RAD9B: variants seen among roughly 807,000 people sequenced by gnomAD.
RAD9B encodes the protein cell cycle checkpoint control protein RAD9B.
Under a neutral mutation model 48.3 loss-of-function variants are expected in RAD9B, and 41 were observed. That is an observed-to-expected ratio of 0.85 (90% confidence interval 0.66 to 1.10). The LOEUF is 1.10. RAD9B is among the 50% of genes least tolerant of loss of function. RAD9B has a pLI of 0.00. For missense variants in RAD9B, 444 were observed against 485.1 expected (o/e 0.92, Z 0.80); for synonymous variants, 160 against 157.9 (o/e 1.01, Z -0.10).
At chr12:110,521,555 C>CTTT (rs577675171) in intron 9 of RAD9B, among the ~76,000 whole-genome samples, 10 of 126,606 alleles carry the variant, frequency 7.9e-5, no homozygotes, top group Non-Finnish European at 1.3e-4. Flanking sequence ...AAACATAATT[C>CTTT]TTTTTTTTTT....
At chr12:110,520,628 C>CTTTTTTTTT (rs71083129) in intron 9 of RAD9B, among the ~76,000 whole-genome samples, 192 of 99,830 alleles carry the variant, frequency 1.9e-3, no homozygotes, top group African/African-American at 2.1e-3. Context: ...TTCTTGCTTT[C>CTTTTTTTTT]TTTTTTTTTT....
At chr12:110,530,198 ACACCCAG>A (rs2064089816) in intron 10 of RAD9B, among the ~76,000 whole-genome samples, 1 of 151,930 alleles carries the variant, frequency 6.6e-6, no homozygotes, top group South Asian at 2.1e-4. Context: ...GTCCGCCACC[ACACCCAG>A]CTAATTTTTT....
At chr12:110,502,632 A>C (rs1460074135) in intron 1 of RAD9B, 2 of 521,120 alleles carry the variant, frequency 3.8e-6, no homozygotes, top group African/African-American at 3.9e-5. Context: ...CCATCGGGCC[A>C]CAAACTCGGG....
At chr12:110,504,668 C>T (rs2063207915) in intron 2 of RAD9B, among the ~76,000 whole-genome samples, 1 of 151,932 alleles carries the variant, frequency 6.6e-6, no homozygotes, top group Admixed American at 6.6e-5. Context: ...TTGCAACTCC[C>T]TTATATATTG....
chr12:110,526,691 C>T (rs1466497131), intron 10 of RAD9B, among the ~76,000 whole-genome samples: 2 of 151,810 alleles, frequency 1.3e-5, no homozygotes, highest in African/African-American at 2.4e-5. Context: ...AGGCAGATCA[C>T]GAGGTCAGGA....
At chr12:110,517,852 T>G (rs999477783) in intron 6 of RAD9B, among the ~76,000 whole-genome samples, 2 of 151,762 alleles carry the variant, frequency 1.3e-5, no homozygotes, top group African/African-American at 4.8e-5. Flanking sequence ...GATATATTAT[T>G]GGGTAGATTA....
intron 10 of RAD9B, among the ~76,000 whole-genome samples, chr12:110,522,895 C>T (rs1436488390): frequency 6.6e-6 from 1 of 152,154 alleles, no homozygotes; most frequent in African/African-American, 2.4e-5. Context: ...CAGTTAATAA[C>T]ATCTTATTCT....
Position 110,505,656 on chromosome 12 carries a change from G to A in RAD9B, c.157G>A (p.Gly53Arg). ...TGTGAATTCTTCTCGGTCAGCATAT[G>A]GATGTGTCCTGTTCTCTCCTGTGTT... ...RCVNSSRSAYGCVLFSPVFFQ... is the reference protein window; with the variant it reads ...RCVNSSRSAYRCVLFSPVFFQ... Residue 53 changes from glycine (G) to arginine (R), a missense_variant, in exon 3 of 11, where the codon GGA becomes AGA. Transcript: ENST00000409300. The A allele has an allele frequency of 6.3e-7, 1 of 1,576,220 alleles. No individual in the cohort carries two copies.
At chr12:110,503,440 T>C (rs1333328579) in intron 1 of RAD9B, 8 of 188,138 alleles carry the variant, frequency 4.3e-5, no homozygotes, top group Non-Finnish European at 8.9e-5. Context: ...CCACTTCAGA[T>C]TATCTTCTCC....
chr12:110,523,345 T>G (rs1183440340), intron 10 of RAD9B, among the ~76,000 whole-genome samples: 1 of 152,112 alleles, frequency 6.6e-6, no homozygotes, highest in Non-Finnish European at 1.5e-5. Context: ...GAGGATCTCT[T>G]GAGCCCAGTA....
chr12:110,527,417 T>A (rs1381188699), intron 10 of RAD9B, among the ~76,000 whole-genome samples: 1 of 152,212 alleles, frequency 6.6e-6, no homozygotes, highest in Non-Finnish European at 1.5e-5. Context: ...TACATGGACC[T>A]CTGGGAACCA....
At chr12:110,515,858 A>G (rs1206157166) in intron 6 of RAD9B, among the ~76,000 whole-genome samples, 4 of 152,176 alleles carry the variant, frequency 2.6e-5, no homozygotes, top group Non-Finnish European at 4.4e-5. Context: ...TCTGTTCTAA[A>G]TAGTTTGCAT....
In RAD9B at chr12:110,531,217, G is replaced by C. The variant is rs2064127395; in HGVS notation, c.*564G>C. On this transcript the variant is annotated 3_prime_UTR_variant, in exon 11 of 11. Transcript: ENST00000409300. ...CACTTTCACTTGGCTTTTTTAGACG[G>C]AGTCTCACTTTGTCACTCAGGCTCA... 5 of 899,656 alleles carry C rather than the reference G, an allele frequency of 5.6e-6. No individual in the cohort carries two copies. Among genetic ancestry groups the C allele is most frequent in the Non-Finnish European group, 6.8e-6 (5 of 740,706 alleles). The allele number at this position is 899,656 out of a possible 1,614,324, so 55.7% of individuals were successfully genotyped here.
intron 2 of RAD9B, 95 bp from the exon 3 acceptor site, chr12:110,505,522 C>CAGGAG: frequency 9.2e-7 from 1 of 1,086,896 alleles, no homozygotes; most frequent in Non-Finnish European, 1.2e-6. Flanking sequence ...TTCCATCCAT[C>CAGGAG]CTCCTGCCTT....
At chr12:110,529,350 G>A (rs1186031246) in intron 10 of RAD9B, among the ~76,000 whole-genome samples, 2 of 151,698 alleles carry the variant, frequency 1.3e-5, no homozygotes, top group African/African-American at 2.4e-5. Flanking sequence ...TCACTATGTT[G>A]GCCAGGCTGG....
chr12:110,513,212 C>T (rs1441005074), intron 5 of RAD9B, among the ~76,000 whole-genome samples: 4 of 151,990 alleles, frequency 2.6e-5, no homozygotes. Flanking sequence ...TCGTGATCCA[C>T]CTGCCTTGGC....
At position 110,531,973 on chromosome 12, in the gene RAD9B, C is replaced by T; in HGVS notation, c.*1320C>T. The T allele has an allele frequency of 4.1e-6, 1 of 244,196 alleles. No individual in the cohort carries two copies. The highest frequency in any genetic ancestry group is 7.8e-6 in the Non-Finnish European group (1 of 127,984). 15.1% of individuals were successfully genotyped at this position (244,196 alleles called of 1,614,324 possible). A position where few individuals can be genotyped will look rare whatever the true frequency, so the allele number is the denominator to read the frequency against. On this transcript the variant is annotated 3_prime_UTR_variant, in exon 11 of 11. Coordinates refer to ENST00000409300, the MANE Select transcript of RAD9B (RefSeq NM_001286535.2). The stretch of plus-strand genomic sequence containing the variant: ...AAAGGTGGCTGAGTGGATTTGCATG[C>T]TTTAGAACTGTGAATAGAGTTCTAA...
chr12:110,524,999 G>GT (rs973495995), intron 10 of RAD9B, among the ~76,000 whole-genome samples: 59 of 151,472 alleles, frequency 3.9e-4, no homozygotes, highest in Non-Finnish European at 7.2e-4. Context: ...TATTTATTTG[G>GT]TTTTTTTTAG....
chr12:110,515,069 G>T lies in RAD9B; in HGVS notation c.508G>T (p.Val170Phe). The change falls in exon 6 of 11, where the codon GTT becomes TTT. Residue 170 changes from valine (V) to phenylalanine (F), a missense_variant. Physicochemically the swap from Val to Phe is conservative, Grantham distance 50 (BLOSUM62 -1). Transcript: ENST00000409300. ...TTATAGATTGCTTGCTGATGCCATT[G>T]TTCTTTTTACATCAAGTCAAGAGGA... ...IQPRLLADAI[V>F]LFTSSQEEVT... 6.4e-7 allele frequency: 1 copy of T among 1,553,424 alleles called. No homozygotes were observed.
Sources: gnomAD v4.1 joint callset for allele counts (sites outside exome capture counted in the v4.1 genomes callset) on GRCh38, gnomAD v4.1.1 for gene constraint, MANE v1.5 for transcripts, NCBI Gene and HGNC (gene_info 2026-07-23, HGNC 2026-07-21) for gene names.